KCNH2: variants seen among roughly 807,000 people sequenced by gnomAD.
The protein encoded by KCNH2 is voltage-gated inwardly rectifying potassium channel KCNH2.
In KCNH2, 35 loss-of-function variants were observed where a neutral mutation model predicts 95.9. That is an observed-to-expected ratio of 0.37 (90% CI 0.28 to 0.48). The LOEUF is 0.48. KCNH2 is among the 20% of genes least tolerant of loss of function. The probability of loss-of-function intolerance (pLI) is 0.99; values close to 1 mark genes in which losing one functional copy is unlikely to be tolerated. For missense variants in KCNH2, 1,274 were observed against 1,702.9 expected (o/e 0.75, Z 4.43); for synonymous variants, 786 against 754.7 (o/e 1.04, Z -0.68).
At chr7:150,958,024 G>A in intron 4 of KCNH2, 35 bp downstream of exon 4, 1 of 1,267,836 alleles carries the variant, frequency 7.9e-7, no homozygotes, top group Admixed American at 3.7e-5. Context: ...GAAGAAGCGT[G>A]GGCTGGGGCG....
At position 150,948,390 on chromosome 7, in the gene KCNH2, C is replaced by A. The variant is rs1800997380; in HGVS notation, c.2692+54G>T. 1.3e-5 allele frequency: 18 copies of A among 1,424,058 alleles called. No individual in the cohort carries two copies. In the South Asian group the frequency reaches 1.8e-4, roughly 15 times the overall value. The allele number at this position is 1,424,058 out of a possible 1,614,324, so 88.2% of individuals were successfully genotyped here. On this transcript the variant is annotated intron_variant, in intron 11 of 14. Coordinates refer to ENST00000262186, the MANE Select transcript of KCNH2 (RefSeq NM_000238.4). ...AGACACGGCCCACCCCGCCTTCCAG[C>A]TCCCAGCCTCACCTTGTCCCCGCCC...
chr7:150,975,017 C>A, intron 1 of KCNH2, 76 bp from the exon 2 acceptor site: 1 of 1,324,660 alleles, frequency 7.5e-7, no homozygotes, highest in Non-Finnish European at 1.0e-6. Flanking sequence ...CCCACATTCT[C>A]CACTCACACA....
chr7:150,948,331 G>T, intron 11 of KCNH2, 113 bp downstream of exon 11: 1 of 848,722 alleles, frequency 1.2e-6, no homozygotes, highest in Non-Finnish European at 1.9e-6. Flanking sequence ...CACACTGGAG[G>T]AAGGGATGGG....
At chr7:150,957,905 A>G (rs1242228865) in intron 4 of KCNH2, among the ~76,000 whole-genome samples, 154 bp downstream of exon 4, 1 of 152,240 alleles carries the variant, frequency 6.6e-6, no homozygotes, top group Non-Finnish European at 1.5e-5. Flanking sequence ...GCAACAAGCC[A>G]CTTAATGGAA....
At chr7:150,949,408 ATTTTT>A (rs1035990140) in intron 9 of KCNH2, 1,550 of 374,578 alleles carry the variant, frequency 4.1e-3, no homozygotes, top group Middle Eastern at 6.7e-3. Flanking sequence ...CAAAACCAGC[ATTTTT>A]TTTTTTTTTT....
chr7:150,974,611 G>GCCCCCCCCC, intron 2 of KCNH2, 100 bp downstream of exon 2: 4 of 795,736 alleles, frequency 5.0e-6, no homozygotes, highest in South Asian at 1.7e-5. Context: ...TTCTCCAGCC[G>GCCCCCCCCC]CCCCCACACC....
rs1256437997 is a variant in KCNH2, at chr7:150,947,625, G to A, written c.2946C>T (p.Asp982=). 6.2e-7 allele frequency: 1 copy of A among 1,612,616 alleles called. No homozygotes were observed. The highest frequency in any genetic ancestry group is 8.5e-7 in the Non-Finnish European group (1 of 1,179,566). The change falls in exon 12 of 15, where the codon GAC becomes GAT. Residue 982 remains aspartate, a synonymous_variant. Transcript: ENST00000262186. Reference sequence around the variant, plus strand: ...GGATACCTGACAGGGGGTTGCAAGTGTCGCTGCTCTTCTCGCAGTCCTCCA... The same window carrying A: ...GGATACCTGACAGGGGGTTGCAAGTATCGCTGCTCTTCTCGCAGTCCTCCA... ...PLMEDCEKSS[D]TCNPLSGAFS...
At chr7:150,973,058 A>C (rs1456835150) in intron 2 of KCNH2, among the ~76,000 whole-genome samples, 1 of 152,204 alleles carries the variant, frequency 6.6e-6, no homozygotes, top group African/African-American at 2.4e-5. Flanking sequence ...TGAAGGTCCA[A>C]AGCAAGGCAC....
In KCNH2 at chr7:150,958,189, GC is replaced by G; in HGVS notation, c.785del (p.Gly262AlafsTer98). 7.3e-7 allele frequency: 1 copy of G among 1,360,710 alleles called. No homozygotes were observed. Among genetic ancestry groups the G allele is most frequent in the South Asian group, 1.8e-5 (1 of 55,516 alleles). 84.3% of individuals were successfully genotyped at this position (1,360,710 alleles called of 1,614,324 possible). On this transcript the variant is annotated frameshift_variant, in exon 4 of 15. Coordinates refer to ENST00000262186, the MANE Select transcript of KCNH2 (RefSeq NM_000238.4). LOFTEE classifies it high-confidence loss of function. ...RAHSLNPDAS[G>X]SSCSLARTRS... ...GCGTCCGGGCCAGGCTGCAGCTGGA[GC>G]CCGAGGCGTCGGGGTTGAGGCTGTG...
At chr7:150,958,917 G>C (rs1054978716) in intron 3 of KCNH2, among the ~76,000 whole-genome samples, 2 of 152,212 alleles carry the variant, frequency 1.3e-5, no homozygotes, top group Non-Finnish European at 2.9e-5. Flanking sequence ...TGAGCAGGTA[G>C]GGCCAGTTTT....
chr7:150,954,175 A>G (rs1156533284), intron 5 of KCNH2, among the ~76,000 whole-genome samples: 3 of 152,030 alleles, frequency 2.0e-5, no homozygotes, highest in Non-Finnish European at 4.4e-5. Flanking sequence ...CACAGGCTCC[A>G]TTTCTGCTCT....
intron 6 of KCNH2, 127 bp from the exon 7 acceptor site, chr7:150,951,962 T>G (rs1199798456): frequency 4.6e-6 from 4 of 876,736 alleles, no homozygotes; most frequent in Non-Finnish European, 6.8e-6. Context: ...ACCCTCCTCC[T>G]AAGAGGTGAA....
rs1015997398 is a variant in KCNH2 at position 150,945,987 on chromosome 7, G to A, written c.3331-473C>T. Among the ~76,000 whole-genome samples the A allele has an allele frequency of 3.3e-5, 5 of 152,288 alleles. No homozygotes were observed. Among genetic ancestry groups the A allele is most frequent in the South Asian group, 2.1e-4 (1 of 4,822 alleles). On this transcript the variant is annotated intron_variant, in intron 14 of 14. Transcript: ENST00000262186. This position sits in a 1 kb window ranked among gnomAD's most constrained non-coding sequence, Gnocchi z 5.6. Reference sequence around the variant, plus strand: ...GGCCAGGGAGAGGGCCGGGGCAGGCGGGAGGGGTTTGTGGGTACTGAGCGT... The same window carrying A: ...GGCCAGGGAGAGGGCCGGGGCAGGCAGGAGGGGTTTGTGGGTACTGAGCGT...
chr7:150,948,340 G>A (rs1003628106), intron 11 of KCNH2, 104 bp downstream of exon 11: 5 of 914,802 alleles, frequency 5.5e-6, no homozygotes, highest in Non-Finnish European at 8.6e-6. Context: ...GGAAGGGATG[G>A]GAAGGTCTGA....
chr7:150,956,958 C>A (rs1801394814), intron 5 of KCNH2, among the ~76,000 whole-genome samples: 1 of 152,174 alleles, frequency 6.6e-6, no homozygotes, highest in Admixed American at 6.5e-5. Context: ...CCGCCTTCCC[C>A]CCTTGCTACT....
chr7:150,947,021 A>G lies in KCNH2; in HGVS notation c.3186T>C (p.Thr1062=), dbSNP rs774112063. The G allele has an allele frequency of 5.0e-6, 8 of 1,608,024 alleles. No homozygotes were observed. Among genetic ancestry groups the G allele is most frequent in the Non-Finnish European group, 6.8e-6 (8 of 1,176,736 alleles). The change falls in exon 14 of 15, where the codon ACT becomes ACC. Residue 1062 remains threonine (T), a synonymous_variant. Transcript: ENST00000262186. The part of the protein sequence containing the change: ...LETRLSADMA[T]VLQLLQRQMT... Reference sequence around the variant, plus strand: ...TCTGCCTCTGTAGCAGCTGCAGGACAGTGGCCATGTCTGCACTCAGCCGGG... The same window carrying G: ...TCTGCCTCTGTAGCAGCTGCAGGACGGTGGCCATGTCTGCACTCAGCCGGG...
Position 150,948,477 on chromosome 7 carries a change from G to T in KCNH2, c.2659C>A (p.Arg887Ser), listed in dbSNP as rs140279503. 13 of 1,610,562 alleles carry T rather than the reference G, an allele frequency of 8.1e-6. No individual in the cohort carries two copies. The highest frequency in any genetic ancestry group is 1.1e-5 in the Non-Finnish European group (13 of 1,179,476). The change falls in exon 11 of 15, where the codon CGC (arginine) becomes AGC (serine). Residue 887 changes from arginine to serine, a missense_variant. By Grantham distance (110) the Arg-to-Ser change is moderately radical. Around this residue, in one of 7 missense-constraint regions of KCNH2, gnomAD observed 457 missense variants for 416.1 expected, o/e 1.10. Transcript: ENST00000262186. ...LEGGFSRQRK[R>S]KLSFRRRTDK... ...GTGCGCCTGCGGAAGGACAACTTGC[G>T]CTTGCGTTGCCGACTGAAGCCACCC...
rs1801198246 is a variant in KCNH2, at chr7:150,952,176, A to G, written c.1557+249T>C. On this transcript the variant is annotated intron_variant, in intron 6 of 14. Coordinates refer to ENST00000262186, the MANE Select transcript of KCNH2 (RefSeq NM_000238.4). The surrounding 1 kb of genome is among the most constrained non-coding windows in gnomAD (Gnocchi z 7.3). ...CCCTTGGGATGGACGAATTAGAAAA[A>G]AAGGTGTCCTGTGTGGCCCTCTGCA... Among the ~76,000 whole-genome samples the G allele has an allele frequency of 6.6e-6, 1 of 152,152 alleles. No homozygotes were observed. Among genetic ancestry groups the G allele is most frequent in the East Asian group, 1.9e-4 (1 of 5,190 alleles).
At chr7:150,976,102 T>C (rs1179787253) in intron 1 of KCNH2, among the ~76,000 whole-genome samples, 1 of 152,218 alleles carries the variant, frequency 6.6e-6, no homozygotes, top group East Asian at 1.9e-4. Flanking sequence ...AACAGAAGTT[T>C]CCGGCCACTT....
Sources: allele counts gnomAD v4.1 joint callset (sites outside exome capture counted in the v4.1 genomes callset), GRCh38; gene constraint gnomAD v4.1.1; regional missense constraint gnomAD v4.1.1; non-coding constraint Gnocchi (gnomAD v3.1); transcripts MANE v1.5; gene names NCBI Gene and HGNC (gene_info 2026-07-23, HGNC 2026-07-21).